ZMAT4: variants seen among roughly 807,000 people sequenced by gnomAD.
ZMAT4 encodes zinc finger matrin-type 4.
ZMAT4 carries 17 observed loss-of-function variants against 28.7 expected under a neutral mutation model. The ratio of observed to expected loss-of-function variants is 0.59; its 90% confidence interval spans 0.41 to 0.89. The LOEUF is 0.89. ZMAT4 is among the 40% of genes least tolerant of loss of function. The pLI is 0.00. For missense variants in ZMAT4, 240 were observed against 283.8 expected (o/e 0.85, Z 1.11); for synonymous variants, 117 against 109.2 (o/e 1.07, Z -0.44).
At chr8:40,835,310 A>G (rs954982011) in intron 1 of ZMAT4, among the ~76,000 whole-genome samples, 1 of 152,192 alleles carries the variant, frequency 6.6e-6, no homozygotes, top group Non-Finnish European at 1.5e-5. Context: ...CATGCTCCTT[A>G]TGTTTCCTGT....
At chr8:40,789,776 A>G (rs1471026191) in intron 2 of ZMAT4, among the ~76,000 whole-genome samples, 1 of 152,214 alleles carries the variant, frequency 6.6e-6, no homozygotes, top group East Asian at 1.9e-4. Flanking sequence ...AAGCCAACCT[A>G]CTATCTGCAG....
At chr8:40,537,216 C>CT (rs1222773651) in intron 6 of ZMAT4, among the ~76,000 whole-genome samples, 5 of 152,070 alleles carry the variant, frequency 3.3e-5, no homozygotes, top group African/African-American at 7.2e-5. Context: ...AGGTTATAGA[C>CT]TTTTTTGGGT....
intron 2 of ZMAT4, among the ~76,000 whole-genome samples, chr8:40,775,131 A>T (rs891689798): frequency 3.3e-5 from 5 of 152,216 alleles, no homozygotes; most frequent in Admixed American, 2.6e-4. Context: ...CTCAATAAAG[A>T]TTTGTCATTT....
At chr8:40,760,199 C>G (rs1812867104) in intron 3 of ZMAT4, among the ~76,000 whole-genome samples, 1 of 152,200 alleles carries the variant, frequency 6.6e-6, no homozygotes, top group Admixed American at 6.5e-5. Flanking sequence ...GCACCTACTC[C>G]CTTGACTCTC....
intron 5 of ZMAT4, among the ~76,000 whole-genome samples, chr8:40,626,340 T>A (rs146338660): frequency 2.6e-5 from 4 of 152,202 alleles, no homozygotes; most frequent in African/African-American, 9.6e-5. Flanking sequence ...AATAAGAGTG[T>A]TTCTAGCTTA....
intron 1 of ZMAT4, among the ~76,000 whole-genome samples, chr8:40,891,636 T>A (rs1818691620): frequency 2.6e-5 from 4 of 152,046 alleles, no homozygotes; most frequent in Admixed American, 2.6e-4. Context: ...GAGGGGCTGA[T>A]GGTCTCGCTG....
At chr8:40,623,713 GGCAT>G (rs1384620332) in intron 5 of ZMAT4, among the ~76,000 whole-genome samples, 1 of 152,108 alleles carries the variant, frequency 6.6e-6, no homozygotes, top group Non-Finnish European at 1.5e-5. Flanking sequence ...TGTCACACAG[GGCAT>G]GAGAGACAAA....
chr8:40,719,829 C>T (rs1271736963), intron 3 of ZMAT4, among the ~76,000 whole-genome samples: 1 of 152,192 alleles, frequency 6.6e-6, no homozygotes. Context: ...CCCTCAGCCT[C>T]CCAAAGTGCT....
chr8:40,707,317 C>T (rs547054873), intron 3 of ZMAT4, among the ~76,000 whole-genome samples: 4 of 150,352 alleles, frequency 2.7e-5, no homozygotes, highest in South Asian at 2.1e-4. Flanking sequence ...TCTCTAACCC[C>T]CAGCACAGTG....
At chr8:40,866,383 C>T (rs538027645) in intron 1 of ZMAT4, among the ~76,000 whole-genome samples, 19 of 152,312 alleles carry the variant, frequency 1.2e-4, no homozygotes, top group Middle Eastern at 3.4e-3. Context: ...GGTGAATGTG[C>T]GTTCTGAGCC....
intron 1 of ZMAT4, chr8:40,884,498 C>T (rs950760285): frequency 6.6e-6 from 1 of 152,022 alleles, no homozygotes; most frequent in Admixed American, 6.6e-5. Flanking sequence ...TCCAATGCCT[C>T]TCCTTGAACT....
intron 5 of ZMAT4, among the ~76,000 whole-genome samples, chr8:40,610,872 C>G (rs1231821213): frequency 6.6e-6 from 1 of 150,522 alleles, no homozygotes; most frequent in Non-Finnish European, 1.5e-5. Context: ...TATGTGAAAC[C>G]TGGGGTAGTC....
chr8:40,600,501 C>G (rs1249349340), intron 5 of ZMAT4, among the ~76,000 whole-genome samples: 1 of 152,218 alleles, frequency 6.6e-6, no homozygotes, highest in Non-Finnish European at 1.5e-5. Flanking sequence ...CTGAGCCAAC[C>G]TTCCCTTCAC....
chr8:40,854,116 T>C (rs1817212514), intron 1 of ZMAT4, among the ~76,000 whole-genome samples: 1 of 151,982 alleles, frequency 6.6e-6, no homozygotes, highest in Non-Finnish European at 1.5e-5. Flanking sequence ...ATGAAGAGAG[T>C]GCCCCCATGA....
rs369870575 is a variant in ZMAT4 at position 40,627,181 on chromosome 8, C to A, written c.578-45920G>T. Among the ~76,000 whole-genome samples the A allele has an allele frequency of 2.0e-5, 3 of 152,158 alleles. No individual in the cohort carries two copies. The South Asian group carries it at 6.2e-4, about 32-fold the overall frequency. ...TTGAAGTCAGTTTGTCCTTGAAAATCTGAGATTTGTATTCAGGCTAAGAAT... is the reference window on the plus strand; with the variant it reads ...TTGAAGTCAGTTTGTCCTTGAAAATATGAGATTTGTATTCAGGCTAAGAAT... On this transcript the variant is annotated intron_variant, in intron 5 of 6. Coordinates refer to ENST00000297737, the MANE Select transcript of ZMAT4 (RefSeq NM_024645.3).
intron 1 of ZMAT4, among the ~76,000 whole-genome samples, chr8:40,886,504 T>C (rs763506016): frequency 2.4e-4 from 36 of 152,156 alleles, no homozygotes; most frequent in Non-Finnish European, 4.1e-4. Context: ...CCTTGGTGAG[T>C]CTTGGTTTTC....
intron 3 of ZMAT4, among the ~76,000 whole-genome samples, chr8:40,761,440 G>A (rs1812933102): frequency 2.0e-5 from 3 of 151,996 alleles, no homozygotes; most frequent in South Asian, 2.1e-4. Context: ...AAGAACAGGC[G>A]CCCCGTCATG....
intron 1 of ZMAT4, among the ~76,000 whole-genome samples, chr8:40,846,511 G>A (rs111360783): frequency 4.3e-4 from 65 of 152,336 alleles, no homozygotes; most frequent in South Asian, 1.2e-3. Context: ...TCACCTCCTC[G>A]ATGCAGAGTA....
At chr8:40,774,683 A>AGT (rs151022329) in intron 2 of ZMAT4, among the ~76,000 whole-genome samples, 61,426 of 149,752 alleles carry the variant, frequency 0.41, 12,955 homozygotes, top group Middle Eastern at 0.47. Context: ...ATGACATAGA[A>AGT]ATATATATAT....
Sources: gnomAD v4.1 joint callset for allele counts (sites outside exome capture counted in the v4.1 genomes callset) on GRCh38, gnomAD v4.1.1 for gene constraint, MANE v1.5 for transcripts, NCBI Gene and HGNC (gene_info 2026-07-23, HGNC 2026-07-21) for gene names.